Variants in EXOC4 observed in about 807,000 individuals in gnomAD.
EXOC4 encodes exocyst complex component 4.
Under a neutral mutation model 107.2 loss-of-function variants are expected in EXOC4, and 71 were observed. The observed-to-expected ratio is 0.66, with a 90% CI of 0.55 to 0.81. The LOEUF is 0.81. Among genes scored for constraint, EXOC4 ranks in the 30% least tolerant of loss-of-function variants. The pLI, the probability that EXOC4 is intolerant of heterozygous loss-of-function variation, is 0.00. For missense variants in EXOC4, 1,108 were observed against 1,189.6 expected (o/e 0.93, Z 1.01); for synonymous variants, 456 against 441.2 (o/e 1.03, Z -0.42).
chr7:133,923,164 C>G (rs1799977442), intron 13 of EXOC4, among the ~76,000 whole-genome samples: 1 of 149,442 alleles, frequency 6.7e-6, no homozygotes, highest in African/African-American at 2.5e-5. Flanking sequence ...GAGTTTCGCC[C>G]TTCGCCCAGG....
At position 134,009,120 on chromosome 7, in the gene EXOC4, C is replaced by T. The variant is rs1017829825; in HGVS notation, c.2687+1285C>T. ...ATATGTTATCTTCATGCTCTATTGC[C>T]GTTTATACCTGAGTGGATTATTCCG... On this transcript the variant is annotated intron_variant, in intron 17 of 17. Coordinates refer to ENST00000253861, the MANE Select transcript of EXOC4 (RefSeq NM_021807.4). Among the ~76,000 whole-genome samples, 7 of 152,172 alleles carry T rather than the reference C, an allele frequency of 4.6e-5. 2 individuals are homozygous for T. Among genetic ancestry groups the T allele is most frequent in the Admixed American group, 3.9e-4 (6 of 15,280 alleles).
chr7:133,373,718 C>G lies in EXOC4; in HGVS notation c.1008-1110C>G, dbSNP rs116867725. Among the ~76,000 whole-genome samples the G allele has an allele frequency of 2.2e-3, 338 of 152,220 alleles. 2 individuals carry two copies. The highest frequency in any genetic ancestry group is 3.4e-3 in the Non-Finnish European group (232 of 67,990). On this transcript the variant is annotated intron_variant, in intron 6 of 17. Transcript: ENST00000253861. ...TATTTAGGAATTACAAGCTGAGAGC[C>G]ACAAAATATACAATAAAGCTCACAT...
intron 11 of EXOC4, among the ~76,000 whole-genome samples, chr7:133,876,663 A>G (rs1219777443): frequency 6.6e-6 from 1 of 151,994 alleles, no homozygotes; most frequent in Non-Finnish European, 1.5e-5. Flanking sequence ...TTACTTCTCC[A>G]GGCCACCCCA....
chr7:133,692,198 CA>C (rs1794436309), intron 10 of EXOC4, among the ~76,000 whole-genome samples: 1 of 152,028 alleles, frequency 6.6e-6, no homozygotes, highest in South Asian at 2.1e-4. Context: ...ACAATCAAGC[CA>C]AAAGTAATCC....
At chr7:133,401,218 T>A (rs1164281847) in intron 7 of EXOC4, among the ~76,000 whole-genome samples, 2 of 151,596 alleles carry the variant, frequency 1.3e-5, no homozygotes, top group African/African-American at 4.9e-5. Flanking sequence ...AGATTTGGCC[T>A]CTTTGTAGTG....
chr7:134,080,678 C>T, the EXOC4 span, among the ~76,000 whole-genome samples: 3 of 152,058 alleles, frequency 2.0e-5, no homozygotes, highest in Non-Finnish European at 2.9e-5. Context: ...TGCAGTGTCT[C>T]ATGCCCATAA....
chr7:133,591,515 A>G (rs1347018234), intron 9 of EXOC4, among the ~76,000 whole-genome samples: 2 of 151,426 alleles, frequency 1.3e-5, no homozygotes, highest in African/African-American at 4.9e-5. Flanking sequence ...TAGTTTTTTC[A>G]TATGCATTTT....
At chr7:133,404,030 G>A (rs6963335) in intron 7 of EXOC4, among the ~76,000 whole-genome samples, 3,369 of 152,000 alleles carry the variant, frequency 0.022, 132 homozygotes, top group African/African-American at 0.077. Flanking sequence ...TGATCTTCTG[G>A]CCCTATTCTG....
chr7:133,639,060 TCC>T lies in EXOC4; in HGVS notation c.1514+8920_1514+8921del, dbSNP rs1802783530. 2.0e-5 allele frequency among the ~76,000 whole-genome samples: 3 copies of T among 152,320 alleles called. No individual in the cohort carries two copies. The East Asian group carries it at 5.8e-4, about 29-fold the overall frequency. The stretch of plus-strand genomic sequence containing the variant: ...CAGCATTTGACGAAATATGTTTATG[TCC>T]AGCCACAGGGCCATTTACATCTGAT... On this transcript the variant is annotated intron_variant, in intron 10 of 17. Coordinates refer to ENST00000253861, the MANE Select transcript of EXOC4 (RefSeq NM_021807.4).
intron 9 of EXOC4, among the ~76,000 whole-genome samples, chr7:133,519,818 G>T (rs1178081666): frequency 1.3e-5 from 2 of 152,102 alleles, no homozygotes; most frequent in African/African-American, 4.8e-5. Context: ...CAGATCAATG[G>T]AAATGAATAC....
At chr7:133,753,621 A>T (rs1369521615) in intron 10 of EXOC4, among the ~76,000 whole-genome samples, 1 of 152,250 alleles carries the variant, frequency 6.6e-6, no homozygotes, top group African/African-American at 2.4e-5. Flanking sequence ...GCTGACAAGA[A>T]TTTCTCCAGG....
intron 3 of EXOC4, among the ~76,000 whole-genome samples, chr7:133,304,245 A>T (rs10253609): frequency 1.4e-3 from 212 of 152,240 alleles, no homozygotes; most frequent in African/African-American, 4.8e-3. Flanking sequence ...TCTGCTAGAG[A>T]CCTGAGTTAA....
At chr7:133,578,755 A>C (rs181354356) in intron 9 of EXOC4, among the ~76,000 whole-genome samples, 5 of 152,334 alleles carry the variant, frequency 3.3e-5, no homozygotes, top group Admixed American at 2.6e-4. Flanking sequence ...CATTGAAAGA[A>C]AAAGCAAAGA....
At chr7:134,068,674 C>T (rs1796221605), downstream of EXOC4, among the ~76,000 whole-genome samples, 1 of 152,166 alleles carries the variant, frequency 6.6e-6, no homozygotes, top group African/African-American at 2.4e-5. Context: ...GCAGTTACTG[C>T]CCTCTGCAGA....
chr7:133,286,584 A>G (rs1470168289), intron 2 of EXOC4, among the ~76,000 whole-genome samples: 1 of 152,214 alleles, frequency 6.6e-6, no homozygotes. Flanking sequence ...GAGCTTGTCC[A>G]TAATGATTGG....
At chr7:134,056,341 A>G (rs1355029650) in intron 17 of EXOC4, among the ~76,000 whole-genome samples, 3 of 152,242 alleles carry the variant, frequency 2.0e-5, no homozygotes, top group Non-Finnish European at 4.4e-5. Flanking sequence ...TATGAGACAA[A>G]CACAATTATG....
chr7:133,309,004 A>G (rs1230101749), intron 4 of EXOC4, among the ~76,000 whole-genome samples: 1 of 152,160 alleles, frequency 6.6e-6, no homozygotes, highest in Non-Finnish European at 1.5e-5. Flanking sequence ...TAAAGATACC[A>G]ATTAAACTGG....
At position 133,823,883 on chromosome 7, in the gene EXOC4, TATATATATATTTTATATATATATATATAA is replaced by T. The variant is rs1797620160; in HGVS notation, c.1734+6350_1734+6378del. Among the ~76,000 whole-genome samples the T allele has an allele frequency of 1.4e-3, 29 of 20,512 alleles. 1 individual carries two copies. Among genetic ancestry groups the T allele is most frequent in the African/African-American group, 7.5e-3 (10 of 1,330 alleles). The allele number at this position is 20,512 out of a possible 152,430, so 13.5% of individuals were successfully genotyped here. On this transcript the variant is annotated intron_variant, in intron 11 of 17. Coordinates refer to ENST00000253861, the MANE Select transcript of EXOC4 (RefSeq NM_021807.4). ...TATATATATATATATTATATATATATATATATATATTTTATATATATATATATAAATATATATATAAATTATATATATAT... is the reference window on the plus strand; with the variant it reads ...TATATATATATATATTATATATATATATATATATATAAATTATATATATAT...
At chr7:133,295,775 G>A (rs1794505868) in intron 3 of EXOC4, among the ~76,000 whole-genome samples, 1 of 152,104 alleles carries the variant, frequency 6.6e-6, no homozygotes, top group Admixed American at 6.6e-5. Context: ...TAATGTGCAA[G>A]CAAGAAAAAA....
Sources: gnomAD v4.1 joint callset for allele counts (sites outside exome capture counted in the v4.1 genomes callset) on GRCh38, gnomAD v4.1.1 for gene constraint, MANE v1.5 for transcripts, NCBI Gene and HGNC (gene_info 2026-07-23, HGNC 2026-07-21) for gene names.